SLC26A7: variants seen among roughly 807,000 people sequenced by gnomAD.
SLC26A7 encodes the protein anion exchange transporter.
SLC26A7 carries 59 observed loss-of-function variants against 82.5 expected under a neutral mutation model. That is an observed-to-expected ratio of 0.72 (90% confidence interval 0.58 to 0.89). The LOEUF (loss-of-function observed/expected upper bound fraction) is 0.89. SLC26A7 is among the 40% of genes least tolerant of loss of function. The pLI, the probability that SLC26A7 is intolerant of heterozygous loss-of-function variation, is 0.00. For synonymous variants in SLC26A7, 271 were observed against 274.3 expected, an observed-to-expected ratio of 0.99 and a Z score of 0.12; for missense variants, 820 against 793.0, an observed-to-expected ratio of 1.03 and a Z score of -0.41.
At chr8:91,216,623 C>T (rs1041155091) in intron 1 of SLC26A7, among the ~76,000 whole-genome samples, 16 of 152,124 alleles carry the variant, frequency 1.1e-4, no homozygotes, top group South Asian at 6.2e-4. Flanking sequence ...TTGGGTGAGA[C>T]GGTTGTCTAG....
intron 9 of SLC26A7, among the ~76,000 whole-genome samples, chr8:91,349,519 A>G (rs1427042693): frequency 6.6e-6 from 1 of 152,180 alleles, no homozygotes; most frequent in East Asian, 1.9e-4. Flanking sequence ...TAATTTCTAT[A>G]ACAGCTTTAG....
At chr8:91,343,923 A>G (rs904081513) in intron 9 of SLC26A7, 1 of 529,024 alleles carries the variant, frequency 1.9e-6, no homozygotes, top group Non-Finnish European at 2.4e-6. Context: ...ATTTTAAGTT[A>G]AACAATTATA....
At chr8:91,324,671 G>A (rs947728098) in intron 5 of SLC26A7, among the ~76,000 whole-genome samples, 3 of 152,112 alleles carry the variant, frequency 2.0e-5, no homozygotes, top group Admixed American at 6.5e-5. Context: ...GAGGAGGGAC[G>A]CAAAGTATGG....
intron 15 of SLC26A7, among the ~76,000 whole-genome samples, chr8:91,381,995 A>T (rs569284287): frequency 3.0e-4 from 46 of 152,226 alleles, no homozygotes; most frequent in Middle Eastern, 3.4e-3. Context: ...GTTGTATTCT[A>T]TAGATAGAAA....
At chr8:91,363,367 A>G (rs1563700345) in intron 12 of SLC26A7, 105 bp from the exon 13 acceptor site, 1 of 626,324 alleles carries the variant, frequency 1.6e-6, no homozygotes. Flanking sequence ...GATATAAATC[A>G]TCTCAGACAC....
intron 2 of SLC26A7, among the ~76,000 whole-genome samples, chr8:91,258,418 T>C (rs1339526609): frequency 1.3e-5 from 2 of 152,062 alleles, no homozygotes; most frequent in Admixed American, 1.3e-4. Context: ...CTACACAGTT[T>C]TTCATGCCAG....
chr8:91,388,614 G>A (rs1018012044), intron 15 of SLC26A7, among the ~76,000 whole-genome samples: 1 of 152,140 alleles, frequency 6.6e-6, no homozygotes, highest in African/African-American at 2.4e-5. Context: ...TGCTCTGAAA[G>A]CCACATCACT....
intron 15 of SLC26A7, among the ~76,000 whole-genome samples, chr8:91,387,202 A>G (rs1167415186): frequency 6.6e-6 from 1 of 152,174 alleles, no homozygotes; most frequent in African/African-American, 2.4e-5. Flanking sequence ...ATTTCCTGCA[A>G]TCTTAATACT....
chr8:91,378,374 TATATAAATA>T (rs1469535575), intron 15 of SLC26A7, among the ~76,000 whole-genome samples: 1 of 146,812 alleles, frequency 6.8e-6, no homozygotes, highest in African/African-American at 2.5e-5. Context: ...ATTATATATT[TATATAAATA>T]ATATATATTA....
At chr8:91,296,755 G>A (rs1812028038) in intron 4 of SLC26A7, among the ~76,000 whole-genome samples, 1 of 152,180 alleles carries the variant, frequency 6.6e-6, no homozygotes, top group Non-Finnish European at 1.5e-5. Flanking sequence ...GGACCAATCA[G>A]TATTTTCTAT....
intron 2 of SLC26A7, among the ~76,000 whole-genome samples, chr8:91,239,089 G>C (rs565036419): frequency 6.6e-6 from 1 of 152,136 alleles, no homozygotes; most frequent in Non-Finnish European, 1.5e-5. Context: ...ATATAGATGA[G>C]GCCGGGTGTG....
At chr8:91,344,745 C>T (rs934198951) in intron 9 of SLC26A7, among the ~76,000 whole-genome samples, 2 of 152,156 alleles carry the variant, frequency 1.3e-5, no homozygotes, top group East Asian at 3.9e-4. Flanking sequence ...CACAAGTAAT[C>T]TGACAGATTT....
intron 2 of SLC26A7, among the ~76,000 whole-genome samples, chr8:91,234,987 G>A (rs773936083): frequency 9.9e-5 from 15 of 151,262 alleles, no homozygotes; most frequent in African/African-American, 3.4e-4. Context: ...TGGTGTGATC[G>A]TGGCTCACTG....
At chr8:91,331,712 A>G (rs961666937) in intron 5 of SLC26A7, among the ~76,000 whole-genome samples, 2 of 152,130 alleles carry the variant, frequency 1.3e-5, no homozygotes, top group Non-Finnish European at 2.9e-5. Context: ...TATTGCCTTC[A>G]AAGGTTTTCC....
At chr8:91,256,806 C>T (rs1810816470) in intron 2 of SLC26A7, among the ~76,000 whole-genome samples, 1 of 151,988 alleles carries the variant, frequency 6.6e-6, no homozygotes, top group Admixed American at 6.6e-5. Context: ...ATTATGAAAC[C>T]CAGAAAGATT....
intron 2 of SLC26A7, among the ~76,000 whole-genome samples, chr8:91,272,140 G>C (rs1811289866): frequency 6.6e-6 from 1 of 152,032 alleles, no homozygotes; most frequent in Non-Finnish European, 1.5e-5. Flanking sequence ...ATGACTGCTT[G>C]GCCTTGCTTA....
Position 91,389,433 on chromosome 8 carries a change from G to C in SLC26A7, c.1771G>C (p.Val591Leu), listed in dbSNP as rs1247484746. Residue 591 changes from valine to leucine, a missense_variant, in exon 16 of 19, where the codon GTT becomes CTT. Transcript: ENST00000276609. Reference sequence around the variant, plus strand: ...TGACTATTCTGGAGTCTCCATGCTTGTTGAGGTATTTATGGAACTTGTGTT... The same window carrying C: ...TGACTATTCTGGAGTCTCCATGCTTCTTGAGGTATTTATGGAACTTGTGTT... ...FFDYSGVSMLVEVYMDCKGRS... is the reference protein window; with the variant it reads ...FFDYSGVSMLLEVYMDCKGRS... 6.2e-7 allele frequency: 1 copy of C among 1,609,892 alleles called. No homozygotes were observed. The highest frequency in any genetic ancestry group is 2.2e-5 in the East Asian group (1 of 44,842).
intron 2 of SLC26A7, among the ~76,000 whole-genome samples, chr8:91,286,770 C>T (rs1304125887): frequency 6.6e-6 from 1 of 151,966 alleles, no homozygotes; most frequent in Non-Finnish European, 1.5e-5. Context: ...CATATTTTAG[C>T]TTGTGTGAAT....
At chr8:91,388,769 G>A (rs944291120) in intron 15 of SLC26A7, among the ~76,000 whole-genome samples, 1 of 152,084 alleles carries the variant, frequency 6.6e-6, no homozygotes, top group Non-Finnish European at 1.5e-5. Context: ...TAGATTCAGA[G>A]GCCGATTTAC....
Sources: allele counts gnomAD v4.1 joint callset (sites outside exome capture counted in the v4.1 genomes callset), GRCh38; gene constraint gnomAD v4.1.1; transcripts MANE v1.5; gene names NCBI Gene and HGNC (gene_info 2026-07-23, HGNC 2026-07-21).